The following KLF12 variants were observed in gnomAD, a reference collection of about 807,000 sequenced individuals.
The protein encoded by KLF12 is Krueppel-like factor 12.
Under a neutral mutation model 37.8 loss-of-function variants are expected in KLF12, and 9 were observed. That is an observed-to-expected ratio of 0.24 (90% confidence interval 0.14 to 0.42). The LOEUF (loss-of-function observed/expected upper bound fraction) is 0.42, where lower values mean the gene tolerates loss of function less well. Among genes scored for constraint, KLF12 ranks in the 10% least tolerant of loss-of-function variants. KLF12 has a pLI of 1.00. For missense variants in KLF12, 411 were observed against 516.0 expected, an observed-to-expected ratio of 0.80 and a Z score of 1.97; for synonymous variants, 208 against 202.1, an observed-to-expected ratio of 1.03 and a Z score of -0.25.
At chr13:74,101,250 C>G (rs958811609) in intron 1 of KLF12, among the ~76,000 whole-genome samples, 3 of 152,198 alleles carry the variant, frequency 2.0e-5, no homozygotes, top group African/African-American at 7.2e-5. Flanking sequence ...CTACATCCCT[C>G]ACTTTCTCCT....
intron 3 of KLF12, among the ~76,000 whole-genome samples, chr13:73,853,562 C>G (rs919423953): frequency 6.6e-6 from 1 of 152,042 alleles, no homozygotes; most frequent in African/African-American, 2.4e-5. Context: ...CATGGTGAAA[C>G]CCTGTCTCTA....
chr13:73,814,454 G>C (rs550157991), intron 4 of KLF12, among the ~76,000 whole-genome samples: 2 of 152,238 alleles, frequency 1.3e-5, no homozygotes, highest in Non-Finnish European at 2.9e-5. Context: ...AATATTTACA[G>C]TCTGGCTAGA....
At chr13:73,779,714 T>C (rs1350707737) in intron 5 of KLF12, among the ~76,000 whole-genome samples, 2 of 152,236 alleles carry the variant, frequency 1.3e-5, no homozygotes, top group African/African-American at 4.8e-5. Context: ...CATTTGGAGC[T>C]GGCATCTGAA....
intron 3 of KLF12, among the ~76,000 whole-genome samples, chr13:73,873,863 A>G (rs2138893838): frequency 6.6e-6 from 1 of 152,322 alleles, no homozygotes; most frequent in South Asian, 2.1e-4. Flanking sequence ...CAAAAGCCCT[A>G]TAATAGTGTT....
chr13:73,792,018 C>T (rs1192111541), intron 5 of KLF12, among the ~76,000 whole-genome samples: 1 of 152,154 alleles, frequency 6.6e-6, no homozygotes, highest in Non-Finnish European at 1.5e-5. Context: ...ACATGTAGTT[C>T]CTATGTTTAT....
the KLF12 span, among the ~76,000 whole-genome samples, chr13:74,292,451 T>A: frequency 2.3e-5 from 3 of 129,064 alleles, no homozygotes; most frequent in Non-Finnish European, 4.5e-5. Flanking sequence ...GGTTTCTTTT[T>A]CTTTTTTTTT....
intron 2 of KLF12, among the ~76,000 whole-genome samples, chr13:73,985,577 C>T (rs1566493985): frequency 6.6e-6 from 1 of 152,174 alleles, no homozygotes; most frequent in Non-Finnish European, 1.5e-5. Context: ...TTTTTACTTA[C>T]AGTCCTGGCT....
the KLF12 span, among the ~76,000 whole-genome samples, chr13:74,216,438 C>T: frequency 2.6e-5 from 4 of 152,150 alleles, no homozygotes; most frequent in South Asian, 2.1e-4. Context: ...AGGAGAGCAC[C>T]GCCCATAGAG....
chr13:74,186,077 A>T, the KLF12 span, among the ~76,000 whole-genome samples: 1 of 152,202 alleles, frequency 6.6e-6, no homozygotes, highest in Non-Finnish European at 1.5e-5. Flanking sequence ...TATATACACC[A>T]GATGATAACG....
chr13:74,266,871 T>A, the KLF12 span, among the ~76,000 whole-genome samples: 1 of 152,166 alleles, frequency 6.6e-6, no homozygotes, highest in Non-Finnish European at 1.5e-5. Flanking sequence ...CAGTGGGTAA[T>A]GATTAATAAT....
At chr13:73,873,926 T>C (rs1197959615) in intron 3 of KLF12, among the ~76,000 whole-genome samples, 1 of 151,966 alleles carries the variant, frequency 6.6e-6, no homozygotes, top group African/African-American at 2.4e-5. Context: ...CATATGGCAC[T>C]ACTCAAAAAA....
intron 5 of KLF12, among the ~76,000 whole-genome samples, chr13:73,778,745 C>T (rs931550125): frequency 2.0e-5 from 3 of 152,052 alleles, no homozygotes; most frequent in Non-Finnish European, 4.4e-5. Context: ...CAACGAGAAA[C>T]GCAAGCTTAG....
rs563363460 is a variant in KLF12 at position 73,753,809 on chromosome 13, A to T, written c.869+11129T>A. Reference sequence around the variant, plus strand: ...AGAAGACAAGCAAGTAAAGGCCCACATGGAAGCTAGGCAGAGAAGGGGCTC... The same window carrying T: ...AGAAGACAAGCAAGTAAAGGCCCACTTGGAAGCTAGGCAGAGAAGGGGCTC... On this transcript the variant is annotated intron_variant, in intron 6 of 7. Coordinates refer to ENST00000377669, the MANE Select transcript of KLF12 (RefSeq NM_007249.5). Among the ~76,000 whole-genome samples, 3 of 152,316 alleles carry T rather than the reference A, an allele frequency of 2.0e-5. No individual in the cohort carries two copies. The East Asian group carries it at 5.8e-4, about 29-fold the overall frequency.
At chr13:74,222,076 G>A in the KLF12 span, among the ~76,000 whole-genome samples, 8 of 152,190 alleles carry the variant, frequency 5.3e-5, no homozygotes, top group Non-Finnish European at 1.0e-4. Context: ...GAATGTCTAC[G>A]TAGGTATTTC....
intron 7 of KLF12, among the ~76,000 whole-genome samples, chr13:73,715,135 G>C (rs1875700515): frequency 6.6e-6 from 1 of 152,160 alleles, no homozygotes; most frequent in Non-Finnish European, 1.5e-5. Context: ...GATGCTGACT[G>C]TGAGAAAGAC....
chr13:73,761,266 T>C (rs1439441314), intron 6 of KLF12, among the ~76,000 whole-genome samples: 1 of 152,032 alleles, frequency 6.6e-6, no homozygotes, highest in Non-Finnish European at 1.5e-5. Context: ...CTAAAAATGG[T>C]TTATAATGTG....
chr13:74,051,443 G>T (rs1302820173), intron 1 of KLF12, among the ~76,000 whole-genome samples: 3 of 151,806 alleles, frequency 2.0e-5, no homozygotes, highest in Non-Finnish European at 4.4e-5. Flanking sequence ...AGGCAAACTG[G>T]AAAGTATGCT....
chr13:73,846,451 G>T (rs1420666151), intron 3 of KLF12, 78 bp from the exon 4 acceptor site: 96 of 1,279,472 alleles, frequency 7.5e-5, no homozygotes, highest in Non-Finnish European at 1.0e-4. Flanking sequence ...CCACTTGAAC[G>T]TTTATTACTT....
At chr13:74,293,248 C>G in the KLF12 span, among the ~76,000 whole-genome samples, 3 of 152,140 alleles carry the variant, frequency 2.0e-5, no homozygotes. Context: ...GAAGCTGGGC[C>G]AGAAGAGATT....
Sources: gnomAD v4.1 joint callset for allele counts (sites outside exome capture counted in the v4.1 genomes callset) on GRCh38, gnomAD v4.1.1 for gene constraint, MANE v1.5 for transcripts, NCBI Gene and HGNC (gene_info 2026-07-23, HGNC 2026-07-21) for gene names.